The following NAA11 variants were observed in gnomAD, a reference collection of about 807,000 sequenced individuals.
NAA11 encodes the protein N-alpha-acetyltransferase 11, NatA catalytic subunit.
NAA11 carries 15 observed loss-of-function variants against 16.1 expected under a neutral mutation model. That is an observed-to-expected ratio of 0.93 (90% CI 0.62 to 1.44). The LOEUF (loss-of-function observed/expected upper bound fraction) is 1.44, where lower values mean the gene tolerates loss of function less well. Among genes scored for constraint, NAA11 ranks in the 40% most tolerant of loss-of-function variants. The pLI is 0.00. For synonymous variants in NAA11, 122 were observed against 112.4 expected (o/e 1.09, Z -0.54); for missense variants, 298 against 291.3 (o/e 1.02, Z -0.17).
Position 79,269,699 on chromosome 4 carries a change from T to G in NAA11, c.*122+24306A>C, listed in dbSNP as rs1299426206. On this transcript the variant is annotated intron_variant and NMD_transcript_variant, in intron 2 of 2. Transcript: ENST00000511542. ...TTTCTTTTGCTGTGCAGAAGCTCTT[T>G]AGTTTAATTAGATCCCATTTGTCAA... is the stretch of plus-strand genomic sequence containing the variant. 1.5e-4 allele frequency among the ~76,000 whole-genome samples: 21 copies of G among 144,748 alleles called. 2 individuals carry two copies. The East Asian group carries it at 3.3e-3, about 23-fold the overall frequency. The allele number at this position is 144,748 out of a possible 152,430, so 95.0% of individuals were successfully genotyped here.
At chr4:79,244,100 TG>T in intron 2 of NAA11, among the ~76,000 whole-genome samples, 1 of 152,238 alleles carries the variant, frequency 6.6e-6, no homozygotes, top group East Asian at 1.9e-4. Context: ...TACTTCTCCC[TG>T]GGGTCAGCCT....
chr4:79,174,330 G>A, the NAA11 span, among the ~76,000 whole-genome samples: 1 of 152,228 alleles, frequency 6.6e-6, no homozygotes, highest in Non-Finnish European at 1.5e-5. Flanking sequence ...CATTTCTGAT[G>A]CTAAAGTATT....
At chr4:79,307,934 T>G (rs1723637368) in intron 1 of NAA11, among the ~76,000 whole-genome samples, 1 of 152,198 alleles carries the variant, frequency 6.6e-6, no homozygotes, top group Non-Finnish European at 1.5e-5. Context: ...TTTCCATATA[T>G]CCAAATAAAT....
the NAA11 span, among the ~76,000 whole-genome samples, chr4:79,170,409 A>C: frequency 1.3e-5 from 2 of 152,132 alleles, no homozygotes; most frequent in African/African-American, 2.4e-5. Context: ...TGGAGATTCC[A>C]TTATAAAGAG....
At chr4:79,185,163 A>G in the NAA11 span, among the ~76,000 whole-genome samples, 10 of 152,218 alleles carry the variant, frequency 6.6e-5, no homozygotes, top group Middle Eastern at 3.4e-3. Context: ...ATTTTTCTCC[A>G]GTAGTTAACG....
At chr4:79,229,497 A>T (rs970077131) in intron 2 of NAA11, among the ~76,000 whole-genome samples, 1 of 151,996 alleles carries the variant, frequency 6.6e-6, no homozygotes, top group African/African-American at 2.4e-5. Context: ...GCTCAACATC[A>T]TCTTAGATAC....
At chr4:79,291,239 A>T (rs902135510) in intron 2 of NAA11, among the ~76,000 whole-genome samples, 2 of 152,108 alleles carry the variant, frequency 1.3e-5, no homozygotes, top group Non-Finnish European at 2.9e-5. Context: ...AGACCAGAGG[A>T]TTGCTTAAGA....
chr4:79,225,077 A>G (rs757674846), downstream of NAA11, among the ~76,000 whole-genome samples: 4 of 152,036 alleles, frequency 2.6e-5, no homozygotes, highest in Non-Finnish European at 5.9e-5. Flanking sequence ...GAAAAAAAAT[A>G]AGGAAATCAG....
In NAA11 at chr4:79,325,386, C is replaced by G. The variant is rs751416030; in HGVS notation, c.492G>C (p.Leu164=). 13 of 1,614,112 alleles carry G rather than the reference C, an allele frequency of 8.1e-6. No homozygotes were observed. The highest frequency in any genetic ancestry group is 1.1e-5 in the Non-Finnish European group (13 of 1,179,964). ...MADELRRQMD[L]KKGGYVVLGS... ...CCAGGACCACATACCCGCCCTTCTT[C>G]AGGTCCATTTGTCGTCTCAGCTCAT... Residue 164 remains leucine (L), a synonymous_variant, in exon 1 of 2, where the codon CTG becomes CTC. Transcript: ENST00000286794.
intron 2 of NAA11, among the ~76,000 whole-genome samples, chr4:79,287,302 G>C (rs1188904165): frequency 6.6e-6 from 1 of 152,048 alleles, no homozygotes; most frequent in Non-Finnish European, 1.5e-5. Context: ...GGACTCATTA[G>C]TATAGTTCCA....
chr4:79,309,784 CG>C (rs1723710025), intron 1 of NAA11, among the ~76,000 whole-genome samples: 1 of 131,342 alleles, frequency 7.6e-6, no homozygotes, highest in Non-Finnish European at 1.5e-5. Flanking sequence ...GGCACAATCT[CG>C]GCTCACTGCA....
intron 2 of NAA11, among the ~76,000 whole-genome samples, chr4:79,230,460 C>T (rs912415759): frequency 6.6e-6 from 1 of 151,006 alleles, no homozygotes; most frequent in African/African-American, 2.4e-5. Context: ...TATATAAAGT[C>T]TTTTAGCATT....
chr4:79,221,398 C>A (rs879574492), downstream of NAA11, among the ~76,000 whole-genome samples: 1 of 126,096 alleles, frequency 7.9e-6, no homozygotes, highest in Non-Finnish European at 1.7e-5. Context: ...CTGGCCAGAA[C>A]TTCCAACACT....
At chr4:79,320,336 A>C (rs1724054930) in intron 1 of NAA11, among the ~76,000 whole-genome samples, 1 of 152,248 alleles carries the variant, frequency 6.6e-6, no homozygotes, top group South Asian at 2.1e-4. Context: ...GTGGAGAAGA[A>C]GAGAACCTGA....
the NAA11 span, among the ~76,000 whole-genome samples, chr4:79,187,131 T>A: frequency 1.3e-5 from 2 of 152,196 alleles, no homozygotes; most frequent in African/African-American, 4.8e-5. Context: ...TTCAAATAGG[T>A]TTGCATTTTC....
chr4:79,163,062 T>A, the NAA11 span, among the ~76,000 whole-genome samples: 7 of 152,198 alleles, frequency 4.6e-5, no homozygotes, highest in African/African-American at 7.2e-5. Flanking sequence ...TAAAACTAAG[T>A]CTCTGATTCC....
the NAA11 span, among the ~76,000 whole-genome samples, chr4:79,165,649 T>C: frequency 1.3e-5 from 2 of 152,228 alleles, no homozygotes; most frequent in African/African-American, 4.8e-5. Flanking sequence ...AATGTTCTTC[T>C]TTTTAAAAAC....
chr4:79,187,064 T>C, the NAA11 span, among the ~76,000 whole-genome samples: 1 of 152,236 alleles, frequency 6.6e-6, no homozygotes, highest in Non-Finnish European at 1.5e-5. Context: ...TTATTTTTAT[T>C]ATTACATTTT....
At position 79,249,573 on chromosome 4, in the gene NAA11, A is replaced by G. The variant is rs372501750; in HGVS notation, c.*123-23303T>C. ...AGTCAGACAAATATAAAGAAAAAGC[A>G]GTAAAGAAGAATAAACAAAACCTCT... On this transcript the variant is annotated intron_variant and NMD_transcript_variant, in intron 2 of 2. Transcript: ENST00000511542. Among the ~76,000 whole-genome samples, 14 of 152,374 alleles carry G rather than the reference A, an allele frequency of 9.2e-5. No homozygotes were observed. In the South Asian group the frequency reaches 2.7e-3, roughly 29 times the overall value.
Sources: gnomAD v4.1 joint callset for allele counts (sites outside exome capture counted in the v4.1 genomes callset) on GRCh38, gnomAD v4.1.1 for gene constraint, MANE v1.5 for transcripts, NCBI Gene and HGNC (gene_info 2026-07-23, HGNC 2026-07-21) for gene names.